SPTLC3: variants seen among roughly 807,000 people sequenced by gnomAD.
SPTLC3 encodes serine palmitoyltransferase long chain base subunit 3, also known as serine palmitoyltransferase 3.
SPTLC3 carries 36 observed loss-of-function variants against 59.3 expected under a neutral mutation model. The ratio of observed to expected loss-of-function variants is 0.61; its 90% confidence interval spans 0.47 to 0.80. The LOEUF (loss-of-function observed/expected upper bound fraction) is 0.80. Ranked by LOEUF, SPTLC3 falls within the 30% of genes least tolerant of loss-of-function variation. SPTLC3 has a pLI of 0.00. For synonymous variants in SPTLC3, 257 were observed against 240.8 expected (o/e 1.07, Z -0.62); for missense variants, 625 against 685.1 (o/e 0.91, Z 0.98).
chr20:13,072,623 C>T (rs1988486978), intron 3 of SPTLC3, among the ~76,000 whole-genome samples: 1 of 151,298 alleles, frequency 6.6e-6, no homozygotes. Flanking sequence ...TTGTAATTAA[C>T]CTAAGACCTG....
intron 2 of SPTLC3, among the ~76,000 whole-genome samples, chr20:13,054,594 T>G (rs1180401254): frequency 6.6e-6 from 1 of 152,116 alleles, no homozygotes; most frequent in Non-Finnish European, 1.5e-5. Flanking sequence ...GAAGGACAAA[T>G]CAAAGACCAC....
chr20:13,138,477 C>A (rs185681839), intron 9 of SPTLC3, among the ~76,000 whole-genome samples: 9 of 152,266 alleles, frequency 5.9e-5, no homozygotes, highest in Admixed American at 5.9e-4. Context: ...ATGTTAGTCA[C>A]ACACACCCCT....
At chr20:13,159,717 T>C (rs1321989031) in intron 10 of SPTLC3, among the ~76,000 whole-genome samples, 1 of 152,146 alleles carries the variant, frequency 6.6e-6, no homozygotes, top group Admixed American at 6.5e-5. Flanking sequence ...ATCAGCATTT[T>C]CTGCTTGGTG....
intron 8 of SPTLC3, 35 bp from the exon 9 acceptor site, chr20:13,126,556 T>A: frequency 1.9e-6 from 3 of 1,610,760 alleles, no homozygotes; most frequent in Non-Finnish European, 2.5e-6. Flanking sequence ...TGAGATTTAT[T>A]TGCCTTCTTT....
intron 9 of SPTLC3, 42 bp from the exon 10 acceptor site, chr20:13,153,961 T>C: frequency 6.2e-7 from 1 of 1,606,952 alleles, no homozygotes; most frequent in African/African-American, 1.3e-5. Flanking sequence ...ACTTCCCTCT[T>C]TCTAGTGGGA....
chr20:13,046,349 T>A (rs944924777), intron 1 of SPTLC3, among the ~76,000 whole-genome samples: 1 of 152,250 alleles, frequency 6.6e-6, no homozygotes, highest in African/African-American at 2.4e-5. Context: ...TAGCATGTTC[T>A]GTACAGACTC....
rs556492758 is a variant in SPTLC3 at position 13,091,084 on chromosome 20, C to T, written c.609C>T (p.Gly203=). 3.1e-6 allele frequency: 5 copies of T among 1,613,470 alleles called. No individual in the cohort carries two copies. The Middle Eastern group carries it at 5.0e-4, about 160-fold the overall frequency. The change falls in exon 5 of 12, where the codon GGC becomes GGT. Residue 203 remains glycine, a splice_region_variant and synonymous_variant. Transcript: ENST00000399002. The stretch of plus-strand genomic sequence containing the variant: ...CTTCTCATGTAATTTTATGTGCAGG[C>T]ACCTTGGATAAGCACAAGGAGTTGG... ...TGVASTRHEM[G]TLDKHKELED... is the part of the protein sequence containing the mutation.
rs895229034 is a variant in SPTLC3 at position 13,009,185 on chromosome 20, TC to T, written c.-80del. On this transcript the variant is annotated 5_prime_UTR_variant, in exon 1 of 12. Coordinates refer to ENST00000399002, the MANE Select transcript of SPTLC3 (RefSeq NM_018327.4). Reference sequence around the variant, plus strand: ...AAGGGCTCAGCCCCAAAGAGCTTTATCCCATCCCCTCGCAGACTGAAAACTA... The same window carrying T: ...AAGGGCTCAGCCCCAAAGAGCTTTATCCATCCCCTCGCAGACTGAAAACTA... 1 of 1,081,662 alleles carries T rather than the reference TC, an allele frequency of 9.2e-7. No homozygotes were observed. The highest frequency in any genetic ancestry group is 1.6e-5 in the African/African-American group (1 of 63,436). The allele number at this position is 1,081,662 out of a possible 1,614,324, so 67.0% of individuals were successfully genotyped here. A position where few individuals can be genotyped will look rare whatever the true frequency, so the allele number is the denominator to read the frequency against.
chr20:13,081,991 G>A lies in SPTLC3; in HGVS notation c.607+7494G>A, dbSNP rs1286808908. Among the ~76,000 whole-genome samples the A allele has an allele frequency of 2.0e-5, 3 of 152,244 alleles. No individual in the cohort carries two copies. In the Middle Eastern group the frequency reaches 0.01, roughly 521 times the overall value. ...CTGACAACATAATTGCCCTTCTCCT[G>A]ACCGTGATAGAAATTATAGCACAGC... On this transcript the variant is annotated intron_variant, in intron 4 of 11. Transcript: ENST00000399002.
chr20:13,025,221 A>G (rs955490924), intron 1 of SPTLC3, among the ~76,000 whole-genome samples: 2 of 152,182 alleles, frequency 1.3e-5, no homozygotes, highest in Admixed American at 6.5e-5. Flanking sequence ...AATCCTTACA[A>G]TAGACTTTCA....
At chr20:13,017,158 A>T (rs1985570123) in intron 1 of SPTLC3, among the ~76,000 whole-genome samples, 1 of 152,230 alleles carries the variant, frequency 6.6e-6, no homozygotes, top group Non-Finnish European at 1.5e-5. Flanking sequence ...GAGTTAAAAG[A>T]ATGGTGAGTT....
intron 6 of SPTLC3, among the ~76,000 whole-genome samples, chr20:13,096,727 A>G (rs1320034994): frequency 6.6e-6 from 1 of 152,150 alleles, no homozygotes; most frequent in Admixed American, 6.6e-5. Flanking sequence ...ATTTAAATTC[A>G]TCGAATTGTA....
intron 9 of SPTLC3, among the ~76,000 whole-genome samples, chr20:13,128,981 A>G (rs2038058567): frequency 6.6e-6 from 1 of 151,498 alleles, no homozygotes; most frequent in African/African-American, 2.4e-5. Flanking sequence ...GGTTCAAGCA[A>G]TACTCCTGCC....
intron 4 of SPTLC3, among the ~76,000 whole-genome samples, chr20:13,089,149 T>C (rs942833951): frequency 7.9e-5 from 12 of 152,202 alleles, no homozygotes; most frequent in Non-Finnish European, 1.2e-4. Flanking sequence ...TAAATTCTTA[T>C]ATCATACTTT....
rs4274654 is a variant in SPTLC3, at chr20:13,108,726, C to T, written c.827-1386C>T. Among the ~76,000 whole-genome samples the T allele has an allele frequency of 7.7e-4, 117 of 151,994 alleles. 1 individual carries two copies. The highest frequency in any genetic ancestry group is 2.7e-3 in the African/African-American group (110 of 41,442). On this transcript the variant is annotated intron_variant, in intron 6 of 11. Transcript: ENST00000399002. Reference sequence around the variant, plus strand: ...AGTAGCTGGGATTAGAGGTGCCTACCACCATACCCACTTAATTTTTTGTAT... The same window carrying T: ...AGTAGCTGGGATTAGAGGTGCCTACTACCATACCCACTTAATTTTTTGTAT...
At chr20:13,083,005 A>T (rs991752801) in intron 4 of SPTLC3, among the ~76,000 whole-genome samples, 1 of 152,196 alleles carries the variant, frequency 6.6e-6, no homozygotes, top group Non-Finnish European at 1.5e-5. Flanking sequence ...GAAATGTAAT[A>T]CCAATCCATT....
intron 8 of SPTLC3, among the ~76,000 whole-genome samples, chr20:13,118,537 C>T (rs1459774617): frequency 6.7e-6 from 1 of 149,946 alleles, no homozygotes; most frequent in Non-Finnish European, 1.5e-5. Context: ...AATATTCAAA[C>T]CTGGGTTTGA....
At chr20:13,065,788 T>C (rs6041831) in intron 2 of SPTLC3, among the ~76,000 whole-genome samples, 61,812 of 151,542 alleles carry the variant, frequency 0.41, 12,673 homozygotes, top group Middle Eastern at 0.55. Context: ...ACTTCAAGCT[T>C]TTTAAAAATT....
In SPTLC3 at chr20:13,165,177, C is replaced by A; in HGVS notation, c.*310C>A. On this transcript the variant is annotated 3_prime_UTR_variant, in exon 12 of 12. Transcript: ENST00000399002. ...TGTGTTTTAGCTGCTACTGTGCAGA[C>A]CCTTTCAGGGATTCCAACCAAATGC... The A allele has an allele frequency of 4.2e-6, 1 of 236,656 alleles. No homozygotes were observed. 14.7% of individuals were successfully genotyped at this position (236,656 alleles called of 1,614,324 possible).
Sources: gnomAD v4.1 joint callset for allele counts (sites outside exome capture counted in the v4.1 genomes callset) on GRCh38, gnomAD v4.1.1 for gene constraint, MANE v1.5 for transcripts, NCBI Gene and HGNC (gene_info 2026-07-23, HGNC 2026-07-21) for gene names.